Variants in TRDN observed in about 807,000 individuals in gnomAD.
The protein encoded by TRDN is triadin in skeletal muscle.
Under a neutral mutation model 149.7 loss-of-function variants are expected in TRDN, and 161 were observed. The observed-to-expected ratio is 1.08, with a 90% CI of 0.95 to 1.23. TRDN has a LOEUF of 1.23. TRDN is among the 50% of genes most tolerant of loss of function. TRDN has a pLI of 0.00. For synonymous variants in TRDN, 294 were observed against 250.5 expected, an observed-to-expected ratio of 1.17 and a Z score of -1.64; for missense variants, 896 against 823.5, an observed-to-expected ratio of 1.09 and a Z score of -1.08.
intron 12 of TRDN, among the ~76,000 whole-genome samples, chr6:123,420,081 A>G (rs1238532446): frequency 6.6e-6 from 1 of 152,214 alleles, no homozygotes; most frequent in African/African-American, 2.4e-5. Flanking sequence ...TTAAGGAGTT[A>G]ATGCAAGCAA....
rs1481673193 is a variant in TRDN, at chr6:123,512,350, T to A, written c.563A>T (p.Glu188Val). 6.6e-7 allele frequency: 1 copy of A among 1,505,122 alleles called. No homozygotes were observed. Among genetic ancestry groups the A allele is most frequent in the Non-Finnish European group, 9.1e-7 (1 of 1,097,560 alleles). 93.2% of individuals were successfully genotyped at this position (1,505,122 alleles called of 1,614,324 possible). A position where few individuals can be genotyped will look rare whatever the true frequency, so the allele number is the denominator to read the frequency against. The change falls in exon 7 of 41, where the codon GAA becomes GTA. Residue 188 changes from glutamate to valine, a missense_variant. Transcript: ENST00000334268. The part of the protein sequence containing the change: ...EKPEKKATHK[E>V]KIEKKEKPET... Reference sequence around the variant, plus strand: ...TGGTTTTTCTTTTTTCTCAATTTTTTCCTTGTGAGTTGCTTAAACAGAAAA... The same window carrying A: ...TGGTTTTTCTTTTTTCTCAATTTTTACCTTGTGAGTTGCTTAAACAGAAAA...
At chr6:123,232,111 T>A (rs1775624266) in intron 38 of TRDN, among the ~76,000 whole-genome samples, 1 of 151,610 alleles carries the variant, frequency 6.6e-6, no homozygotes, top group South Asian at 2.1e-4. Context: ...ATGGCCCCAC[T>A]GAGGAATAGC....
At chr6:123,335,592 A>G (rs1174508285) in intron 22 of TRDN, among the ~76,000 whole-genome samples, 2 of 151,894 alleles carry the variant, frequency 1.3e-5, no homozygotes, top group Non-Finnish European at 2.9e-5. Context: ...GACAGATTTT[A>G]ACAATTATTC....
intron 21 of TRDN, chr6:123,350,468 A>C (rs1329762792): frequency 1.4e-5 from 8 of 554,818 alleles, no homozygotes; most frequent in Non-Finnish European, 1.8e-5. Flanking sequence ...TATTTCAATG[A>C]ATTATAAACT....
intron 10 of TRDN, among the ~76,000 whole-genome samples, chr6:123,454,687 T>C (rs1775994775): frequency 6.6e-6 from 1 of 152,212 alleles, no homozygotes; most frequent in Admixed American, 6.5e-5. Flanking sequence ...CATTACTGCC[T>C]GAGCTCCGCC....
chr6:123,504,047 G>A, intron 7 of TRDN, 146 bp from the exon 8 acceptor site: 1 of 817,942 alleles, frequency 1.2e-6, no homozygotes, highest in Non-Finnish European at 1.8e-6. Context: ...GTATTTTTCA[G>A]GAAAACAATG....
chr6:123,407,081 T>C (rs994216882), intron 12 of TRDN, among the ~76,000 whole-genome samples: 3 of 152,166 alleles, frequency 2.0e-5, no homozygotes, highest in African/African-American at 7.2e-5. Context: ...GGAGCTTTGA[T>C]AATATACTGG....
At chr6:123,269,135 G>T (rs1777118214) in intron 31 of TRDN, among the ~76,000 whole-genome samples, 1 of 151,870 alleles carries the variant, frequency 6.6e-6, no homozygotes, top group Admixed American at 6.6e-5. Context: ...TCACAATTTT[G>T]ACACAATATT....
chr6:123,350,087 G>A lies in TRDN; in HGVS notation c.1369+2452C>T, dbSNP rs569577910. On this transcript the variant is annotated intron_variant, in intron 21 of 40. Coordinates refer to ENST00000334268, the MANE Select transcript of TRDN (RefSeq NM_006073.4). ...ACTCTGATACATTTATGATCAACAG[G>A]CTCCAACTTTATACTTAATAAAATG... The A allele has an allele frequency of 2.0e-5, 20 of 978,318 alleles. No individual in the cohort carries two copies. In the South Asian group the frequency reaches 4.3e-4, roughly 21 times the overall value. The allele number at this position is 978,318 out of a possible 1,614,324, so 60.6% of individuals were successfully genotyped here.
chr6:123,610,339 C>G (rs1784737969), intron 1 of TRDN, among the ~76,000 whole-genome samples: 1 of 152,164 alleles, frequency 6.6e-6, no homozygotes, highest in South Asian at 2.1e-4. Context: ...ATCAATGCAG[C>G]CTCTATTGCT....
intron 8 of TRDN, chr6:123,498,736 G>A: frequency 2.5e-6 from 1 of 393,958 alleles, no homozygotes; most frequent in African/African-American, 2.1e-5. Context: ...TGTAGAACTG[G>A]CAATTTGACT....
intron 1 of TRDN, among the ~76,000 whole-genome samples, chr6:123,604,051 AACTC>A (rs1365246830): frequency 1.3e-5 from 2 of 152,212 alleles, no homozygotes; most frequent in African/African-American, 4.8e-5. Context: ...TGCTACAACT[AACTC>A]AACTACTGAA....
intron 38 of TRDN, among the ~76,000 whole-genome samples, chr6:123,250,365 A>G (rs1582776339): frequency 6.6e-6 from 1 of 152,112 alleles, no homozygotes; most frequent in Non-Finnish European, 1.5e-5. Context: ...GACTGAAAAA[A>G]AAGTCTGAGC....
At chr6:123,536,881 C>T (rs1023032878) in intron 4 of TRDN, among the ~76,000 whole-genome samples, 3 of 151,622 alleles carry the variant, frequency 2.0e-5, no homozygotes, top group African/African-American at 7.3e-5. Flanking sequence ...AAGACCCTGT[C>T]TCAAAATAAA....
At chr6:123,497,159 T>C (rs1175131087) in intron 9 of TRDN, 34 bp downstream of exon 9, 7 of 1,482,516 alleles carry the variant, frequency 4.7e-6, no homozygotes, top group Non-Finnish European at 6.3e-6. Context: ...CAAAGACTAT[T>C]AAAACAGACA....
Position 123,267,704 on chromosome 6 carries a change from T to C in TRDN, c.1783+3A>G, listed in dbSNP as rs776452180. The C allele has an allele frequency of 6.4e-7, 1 of 1,567,054 alleles. No individual in the cohort carries two copies. Among genetic ancestry groups the C allele is most frequent in the Non-Finnish European group, 8.7e-7 (1 of 1,155,680 alleles). On this transcript the variant is annotated splice_donor_region_variant and intron_variant, in intron 32 of 40. Coordinates refer to ENST00000334268, the MANE Select transcript of TRDN (RefSeq NM_006073.4). ...AGAATATAAACCAAAAATGGTAAAA[T>C]ACCTGTTTTTATAGATGGAGGTTCT...
intron 21 of TRDN, chr6:123,351,319 C>A (rs1291448566): frequency 1.1e-6 from 1 of 947,868 alleles, no homozygotes; most frequent in African/African-American, 1.8e-5. Flanking sequence ...CTCAGATGGG[C>A]AGATCAGGGA....
chr6:123,612,847 G>A (rs994134953), intron 1 of TRDN, among the ~76,000 whole-genome samples: 3 of 152,018 alleles, frequency 2.0e-5, no homozygotes, highest in African/African-American at 7.3e-5. Context: ...TCCTGCCTAG[G>A]GACAGTAGAC....
intron 21 of TRDN, among the ~76,000 whole-genome samples, chr6:123,338,873 A>C (rs1209663945): frequency 6.6e-6 from 1 of 152,186 alleles, no homozygotes; most frequent in Non-Finnish European, 1.5e-5. Context: ...GAAAGAATTT[A>C]TTAATTCTAA....
Sources: gnomAD v4.1 joint callset for allele counts (sites outside exome capture counted in the v4.1 genomes callset) on GRCh38, gnomAD v4.1.1 for gene constraint, MANE v1.5 for transcripts, NCBI Gene and HGNC (gene_info 2026-07-23, HGNC 2026-07-21) for gene names.